The following AGBL1 variants were observed in gnomAD, a reference collection of about 807,000 sequenced individuals.
The protein encoded by AGBL1 is AGBL carboxypeptidase 1.
In AGBL1, 130 loss-of-function variants were observed where a neutral mutation model predicts 118.9. That is an observed-to-expected ratio of 1.09 (90% CI 0.95 to 1.26). AGBL1 has a LOEUF of 1.26. Ranked by LOEUF, AGBL1 falls within the 50% of genes most tolerant of loss-of-function variation. The pLI, the probability that AGBL1 is intolerant of heterozygous loss-of-function variation, is 0.00. For missense variants in AGBL1, 1,584 were observed against 1,298.1 expected (o/e 1.22, Z -3.38); for synonymous variants, 555 against 478.9 (o/e 1.16, Z -2.08).
chr15:86,604,178 AACTC>A (rs1366716984), intron 21 of AGBL1, among the ~76,000 whole-genome samples: 3 of 152,134 alleles, frequency 2.0e-5, no homozygotes, highest in Non-Finnish European at 2.9e-5. Flanking sequence ...GAGCAACAAA[AACTC>A]AACAAACAAG....
intron 21 of AGBL1, among the ~76,000 whole-genome samples, chr15:86,561,884 G>C (rs1169560423): frequency 7.2e-5 from 11 of 152,016 alleles, no homozygotes; most frequent in Non-Finnish European, 7.4e-5. Flanking sequence ...CTTGTAAATT[G>C]GATTCCTAGG....
At chr15:86,587,429 T>C (rs2084267122) in intron 21 of AGBL1, among the ~76,000 whole-genome samples, 1 of 152,074 alleles carries the variant, frequency 6.6e-6, no homozygotes, top group African/African-American at 2.4e-5. Context: ...TGGAGAAAGA[T>C]GAGATTATAT....
At chr15:86,664,524 G>A (rs1290307140) in intron 21 of AGBL1, among the ~76,000 whole-genome samples, 1 of 152,118 alleles carries the variant, frequency 6.6e-6, no homozygotes, top group East Asian at 1.9e-4. Context: ...CTTTGTAAAG[G>A]TTCTGAGAAT....
intron 21 of AGBL1, among the ~76,000 whole-genome samples, chr15:86,601,389 AT>A (rs1277274985): frequency 6.6e-6 from 1 of 152,080 alleles, no homozygotes; most frequent in Non-Finnish European, 1.5e-5. Flanking sequence ...TAATACAATT[AT>A]TTTGCATTTG....
chr15:86,310,512 C>G (rs1002888284), intron 17 of AGBL1, among the ~76,000 whole-genome samples: 1 of 152,000 alleles, frequency 6.6e-6, no homozygotes, highest in Non-Finnish European at 1.5e-5. Context: ...TGAGGGGAGC[C>G]TAAAGCTGGG....
intron 13 of AGBL1, among the ~76,000 whole-genome samples, 155 bp downstream of exon 13, chr15:86,267,231 G>A (rs1030659380): frequency 9.2e-5 from 14 of 152,110 alleles, no homozygotes; most frequent in African/African-American, 3.1e-4. Context: ...CAAACAGTAC[G>A]AGTGAAGGTT....
intron 6 of AGBL1, among the ~76,000 whole-genome samples, chr15:86,227,457 G>A (rs1472745920): frequency 6.6e-6 from 1 of 152,204 alleles, no homozygotes; most frequent in Non-Finnish European, 1.5e-5. Flanking sequence ...TTTGCTGTTA[G>A]AGTCTGTTCT....
At chr15:86,112,277 T>C (rs1897435352) in intron 1 of AGBL1, among the ~76,000 whole-genome samples, 1 of 152,184 alleles carries the variant, frequency 6.6e-6, no homozygotes, top group South Asian at 2.1e-4. Context: ...TCTGCATTGA[T>C]AGAAAGGCTG....
chr15:86,854,860 G>A (rs2079455906), intron 22 of AGBL1, among the ~76,000 whole-genome samples: 1 of 152,132 alleles, frequency 6.6e-6, no homozygotes, highest in Non-Finnish European at 1.5e-5. Flanking sequence ...TGATTCGCAT[G>A]AAAAACATTA....
At chr15:86,592,055 T>C (rs2084344426) in intron 21 of AGBL1, among the ~76,000 whole-genome samples, 1 of 152,172 alleles carries the variant, frequency 6.6e-6, no homozygotes, top group Non-Finnish European at 1.5e-5. Context: ...CCCACCTCAA[T>C]GCATCATATC....
chr15:86,671,094 T>C (rs2085738846), intron 21 of AGBL1, among the ~76,000 whole-genome samples: 1 of 152,164 alleles, frequency 6.6e-6, no homozygotes, highest in South Asian at 2.1e-4. Flanking sequence ...GTGAACAGGC[T>C]GAAACATTGA....
intron 17 of AGBL1, among the ~76,000 whole-genome samples, chr15:86,360,162 G>A (rs1266314954): frequency 1.3e-5 from 2 of 152,046 alleles, no homozygotes; most frequent in East Asian, 3.9e-4. Flanking sequence ...TGATTATCAT[G>A]TGATCTGTGG....
intron 1 of AGBL1, among the ~76,000 whole-genome samples, chr15:86,082,868 C>T (rs1181430268): frequency 6.6e-6 from 1 of 152,214 alleles, no homozygotes; most frequent in Non-Finnish European, 1.5e-5. Context: ...CAGCCCACAG[C>T]ACAGGTGCGA....
intron 23 of AGBL1, among the ~76,000 whole-genome samples, chr15:86,963,410 A>C (rs1421317615): frequency 6.6e-6 from 1 of 152,034 alleles, no homozygotes; most frequent in Non-Finnish European, 1.5e-5. Context: ...ATATCATTTC[A>C]AAAATGCTTT....
At chr15:86,585,722 A>C (rs78416622) in intron 21 of AGBL1, among the ~76,000 whole-genome samples, 350 of 152,250 alleles carry the variant, frequency 2.3e-3, no homozygotes, top group Non-Finnish European at 4.0e-3. Context: ...TTAGAGAAAA[A>C]ATGGTTCAAG....
At chr15:86,357,982 A>G (rs1202447043) in intron 17 of AGBL1, among the ~76,000 whole-genome samples, 3 of 152,094 alleles carry the variant, frequency 2.0e-5, no homozygotes, top group Admixed American at 2.0e-4. Context: ...TTCCACAATT[A>G]AGCTAATTAA....
At chr15:86,781,958 T>C (rs905201464) in intron 22 of AGBL1, among the ~76,000 whole-genome samples, 5 of 152,096 alleles carry the variant, frequency 3.3e-5, no homozygotes, top group African/African-American at 1.2e-4. Flanking sequence ...GAGAAGTTTC[T>C]CTTTGTCCTT....
intron 18 of AGBL1, among the ~76,000 whole-genome samples, chr15:86,514,048 G>C (rs1454240388): frequency 6.6e-6 from 1 of 151,670 alleles, no homozygotes; most frequent in African/African-American, 2.4e-5. Context: ...ACTGATATCT[G>C]GGAACTAGAT....
rs893749550 is a variant in AGBL1, at chr15:86,140,118, G to A, written c.52-1886G>A. 1.1e-4 allele frequency: 18 copies of A among 171,248 alleles called. No homozygotes were observed. The East Asian group carries it at 1.7e-3, about 16-fold the overall frequency. 10.6% of individuals were successfully genotyped at this position (171,248 alleles called of 1,614,324 possible). A position where few individuals can be genotyped will look rare whatever the true frequency, so the allele number is the denominator to read the frequency against. ...TGGGTGCCCCTCCCAGAGTCATAGCGCAGTCAGATGCCAAGTTCTTCACCC... is the reference window on the plus strand; with the variant it reads ...TGGGTGCCCCTCCCAGAGTCATAGCACAGTCAGATGCCAAGTTCTTCACCC... On this transcript the variant is annotated intron_variant, in intron 1 of 22. Transcript: ENST00000614907.
Sources: allele counts gnomAD v4.1 joint callset (sites outside exome capture counted in the v4.1 genomes callset), GRCh38; gene constraint gnomAD v4.1.1; transcripts MANE v1.5; gene names NCBI Gene and HGNC (gene_info 2026-07-23, HGNC 2026-07-21).